The following ACTN2 variants were observed in gnomAD, a reference collection of about 807,000 sequenced individuals.
ACTN2 encodes alpha-actinin-2.
A neutral mutation model predicts 113.8 loss-of-function variants in ACTN2; 39 were observed. That is an observed-to-expected ratio of 0.34 (90% CI 0.27 to 0.45). The LOEUF (loss-of-function observed/expected upper bound fraction) is 0.45, where lower values mean the gene tolerates loss of function less well. Ranked by LOEUF, ACTN2 falls within the 20% of genes least tolerant of loss-of-function variation. The pLI, the probability that ACTN2 is intolerant of heterozygous loss-of-function variation, is 1.00. For missense variants in ACTN2, 992 were observed against 1,177.9 expected, an observed-to-expected ratio of 0.84 and a Z score of 2.31; for synonymous variants, 429 against 444.1, an observed-to-expected ratio of 0.97 and a Z score of 0.43.
chr1:236,731,644 A>C (rs904704514), intron 7 of ACTN2, among the ~76,000 whole-genome samples: 1 of 152,238 alleles, frequency 6.6e-6, no homozygotes, highest in Non-Finnish European at 1.5e-5. Context: ...TTCCAACAAC[A>C]TAATGTTTTC....
chr1:236,762,272 C>T (rs1310780817), intron 20 of ACTN2, among the ~76,000 whole-genome samples, 189 bp from the exon 21 acceptor site: 2 of 152,190 alleles, frequency 1.3e-5, no homozygotes, highest in African/African-American at 4.8e-5. Flanking sequence ...GGCCAGGCCG[C>T]TTCTAGATAC....
chr1:236,718,978 G>A lies in ACTN2; in HGVS notation c.326G>A (p.Ser109Asn), dbSNP rs546727550. Reference sequence around the variant, plus strand: ...AACAAAGCTTTGGATTACATAGCCAGCAAAGGGGTGAAACTGGTGTCCATT... The same window carrying A: ...AACAAAGCTTTGGATTACATAGCCAACAAAGGGGTGAAACTGGTGTCCATT... ...NVNKALDYIA[S>N]KGVKLVSIGA... is the part of the protein sequence containing the mutation. The change falls in exon 3 of 21, where the codon AGC becomes AAC. Residue 109 changes from serine (S) to asparagine (N), a missense_variant. This residue lies in a region of ACTN2 where 220 missense variants were observed against 337.5 expected (regional missense o/e 0.65). Coordinates refer to ENST00000366578, the MANE Select transcript of ACTN2 (RefSeq NM_001103.4). The A allele has an allele frequency of 1.2e-6, 2 of 1,614,178 alleles. No individual in the cohort carries two copies. Among genetic ancestry groups the A allele is most frequent in the East Asian group, 4.5e-5 (2 of 44,880 alleles).
chr1:236,750,084 A>G (rs1042221786), intron 14 of ACTN2, among the ~76,000 whole-genome samples: 2 of 152,354 alleles, frequency 1.3e-5, no homozygotes, highest in South Asian at 2.1e-4. Context: ...AGAACTATAA[A>G]CAAAGCTTCT....
intron 1 of ACTN2, among the ~76,000 whole-genome samples, chr1:236,713,130 G>A (rs921536981): frequency 4.6e-5 from 7 of 151,590 alleles, no homozygotes; most frequent in South Asian, 2.1e-4. Flanking sequence ...CATAAAATAC[G>A]GTTTATACAC....
chr1:236,716,676 T>C (rs535667222), intron 1 of ACTN2, among the ~76,000 whole-genome samples: 2 of 152,124 alleles, frequency 1.3e-5, no homozygotes, highest in South Asian at 4.2e-4. Flanking sequence ...AATGATAGAC[T>C]ATACTGCAAA....
chr1:236,720,464 ATTAT>A (rs1658351258), intron 4 of ACTN2, among the ~76,000 whole-genome samples: 1 of 152,190 alleles, frequency 6.6e-6, no homozygotes, highest in Non-Finnish European at 1.5e-5. Context: ...TTGATTGCTT[ATTAT>A]ACTAGTAAAT....
intron 17 of ACTN2, 108 bp from the exon 18 acceptor site, chr1:236,757,378 C>A (rs1659579890): frequency 7.2e-7 from 1 of 1,392,452 alleles, no homozygotes; most frequent in Non-Finnish European, 1.0e-6. Flanking sequence ...CTATCATGAG[C>A]CCTGCTTAGT....
chr1:236,717,714 C>T, intron 1 of ACTN2, 144 bp from the exon 2 acceptor site: 1 of 679,106 alleles, frequency 1.5e-6, no homozygotes, highest in Middle Eastern at 2.5e-4. Flanking sequence ...TTCTTCTTTC[C>T]ATCAAATTCT....
In ACTN2 at chr1:236,761,113, G is replaced by A. The variant is rs746365850; in HGVS notation, c.2466G>A (p.Thr822=). 6 of 1,614,116 alleles carry A rather than the reference G, an allele frequency of 3.7e-6. No homozygotes were observed. The highest frequency in any genetic ancestry group is 1.1e-5 in the South Asian group (1 of 91,084). Reference sequence around the variant, plus strand: ...TCATCGACTTCATGACTAGAGAGACGGCTGACACCGACACTGCCGAGCAGG... The same window carrying A: ...TCATCGACTTCATGACTAGAGAGACAGCTGACACCGACACTGCCGAGCAGG... ...QSFIDFMTRE[T]ADTDTAEQVI... The change falls in exon 20 of 21, where the codon ACG becomes ACA. Residue 822 remains threonine, a synonymous_variant. Coordinates refer to ENST00000366578, the MANE Select transcript of ACTN2 (RefSeq NM_001103.4).
At chr1:236,737,302 T>C in intron 9 of ACTN2, 88 bp downstream of exon 9, 5 of 238,966 alleles carry the variant, frequency 2.1e-5, no homozygotes, top group South Asian at 1.8e-4. Flanking sequence ...TGGGGGCATA[T>C]ATATATATAT....
chr1:236,737,869 G>A (rs79643474), intron 9 of ACTN2, among the ~76,000 whole-genome samples: 6,537 of 152,208 alleles, frequency 0.043, 219 homozygotes, highest in Middle Eastern at 0.1. Context: ...CAGTATCCTC[G>A]CTGCATCTGC....
At chr1:236,710,654 C>T (rs1047943105) in intron 1 of ACTN2, among the ~76,000 whole-genome samples, 10 of 152,154 alleles carry the variant, frequency 6.6e-5, no homozygotes, top group African/African-American at 1.2e-4. Context: ...TGTTAGGAAC[C>T]GGGCTGCACA....
Position 236,755,013 on chromosome 1 carries a change from C to G in ACTN2, c.1975-6C>G, listed in dbSNP as rs201255023. On this transcript the variant is annotated splice_polypyrimidine_tract_variant and splice_region_variant and intron_variant, in intron 16 of 20. Coordinates refer to ENST00000366578, the MANE Select transcript of ACTN2 (RefSeq NM_001103.4). ...CTCTCTCTGCTTGCTCACTCGCCCC[C>G]CTCAGGAGATTGCCCGGAGCTCCAT... is the stretch of plus-strand genomic sequence containing the variant. 4.8e-4 allele frequency: 773 copies of G among 1,614,186 alleles called. 12 individuals are homozygous for G. In the South Asian group the frequency reaches 8.1e-3, roughly 17 times the overall value.
Position 236,727,729 on chromosome 1 carries a change from C to A in ACTN2, c.588C>A (p.Asp196Glu). 1 of 1,614,136 alleles carries A rather than the reference C, an allele frequency of 6.2e-7. No individual in the cohort carries two copies. Among genetic ancestry groups the A allele is most frequent in the Non-Finnish European group, 8.5e-7 (1 of 1,180,028 alleles). ...LCALIHRHRP[D>E]LIDYSKLNKD... The stretch of plus-strand genomic sequence containing the variant: ...CCCTCATCCACCGACACCGGCCTGA[C>A]CTCATTGACTACTCAAAGCTTAACA... Residue 196 changes from aspartate to glutamate, a missense_variant, in exon 6 of 21, where the codon GAC becomes GAA. Coordinates refer to ENST00000366578, the MANE Select transcript of ACTN2 (RefSeq NM_001103.4).
intron 1 of ACTN2, among the ~76,000 whole-genome samples, chr1:236,692,392 A>G (rs896553387): frequency 6.6e-6 from 1 of 152,192 alleles, no homozygotes; most frequent in Admixed American, 6.5e-5. Flanking sequence ...TTGTGTCTGG[A>G]TAAGAAGTTA....
intron 1 of ACTN2, among the ~76,000 whole-genome samples, chr1:236,713,063 T>G (rs1423285793): frequency 6.6e-6 from 1 of 152,008 alleles, no homozygotes; most frequent in Non-Finnish European, 1.5e-5. Context: ...TGTATTTTAC[T>G]GTAATAACTT....
chr1:236,713,116 G>C (rs1184354317), intron 1 of ACTN2, among the ~76,000 whole-genome samples: 4 of 151,488 alleles, frequency 2.6e-5, no homozygotes, highest in Non-Finnish European at 5.9e-5. Flanking sequence ...TAGGGAGCTA[G>C]TTACATAAAA....
At chr1:236,728,378 C>T (rs1169668710) in intron 6 of ACTN2, among the ~76,000 whole-genome samples, 3 of 152,002 alleles carry the variant, frequency 2.0e-5, no homozygotes, top group East Asian at 1.9e-4. Flanking sequence ...CTCCTGAGCT[C>T]GTGATCCGCC....
At chr1:236,716,058 G>T (rs1391027457) in intron 1 of ACTN2, among the ~76,000 whole-genome samples, 1 of 150,250 alleles carries the variant, frequency 6.7e-6, no homozygotes, top group African/African-American at 2.4e-5. Context: ...GGCTCTCAGG[G>T]TAAAATTTAT....
Sources: gnomAD v4.1 joint callset for allele counts (sites outside exome capture counted in the v4.1 genomes callset) on GRCh38, gnomAD v4.1.1 for gene constraint, gnomAD v4.1.1 regional missense constraint, MANE v1.5 for transcripts, NCBI Gene and HGNC (gene_info 2026-07-23, HGNC 2026-07-21) for gene names.